Variants in MAPK8 observed in about 807,000 individuals in gnomAD.
MAPK8 encodes the protein JUN N-terminal kinase.
MAPK8 carries 13 observed loss-of-function variants against 52.9 expected under a neutral mutation model. The observed-to-expected ratio is 0.25, with a 90% CI of 0.16 to 0.39. The LOEUF (loss-of-function observed/expected upper bound fraction) is 0.39, where lower values mean the gene tolerates loss of function less well. MAPK8 is among the 10% of genes least tolerant of loss of function. The pLI is 1.00. For synonymous variants in MAPK8, 191 were observed against 169.8 expected, an observed-to-expected ratio of 1.12 and a Z score of -0.97; for missense variants, 300 against 519.2, an observed-to-expected ratio of 0.58 and a Z score of 4.10.
intron 11 of MAPK8, 21 bp downstream of exon 11, chr10:48,431,291 G>A (rs1358656579): frequency 6.5e-7 from 1 of 1,546,660 alleles, no homozygotes. Flanking sequence ...ATATAAGCTT[G>A]GTTAAGATTA....
intron 5 of MAPK8, among the ~76,000 whole-genome samples, chr10:48,417,942 G>T (rs963377942): frequency 6.6e-6 from 1 of 152,152 alleles, no homozygotes; most frequent in Admixed American, 6.5e-5. Flanking sequence ...CTAGAGCAGG[G>T]TTCAACAAAC....
At position 48,439,148 on chromosome 10, in the gene MAPK8, C is replaced by T. The variant is rs145193085; in HGVS notation, c.*4119C>T. ...GCGATGTCATTCCTCCTCCATTCCT[C>T]TCCTTCCCTGTGTTCCGTTCCCTCT... On this transcript the variant is annotated 3_prime_UTR_variant, in exon 12 of 12. Coordinates refer to ENST00000374189, the MANE Select transcript of MAPK8 (RefSeq NM_001323329.2). The T allele has an allele frequency of 6.6e-6, 1 of 151,852 alleles. No homozygotes were observed. The highest frequency in any genetic ancestry group is 1.5e-5 in the Non-Finnish European group (1 of 68,004). The allele number at this position is 151,852 out of a possible 1,614,324, so 9.4% of individuals were successfully genotyped here.
At chr10:48,350,343 G>C (rs1437324350) in intron 1 of MAPK8, among the ~76,000 whole-genome samples, 6 of 152,186 alleles carry the variant, frequency 3.9e-5, no homozygotes, top group Non-Finnish European at 7.3e-5. Context: ...CAATATCCCT[G>C]ATGAACATTG....
chr10:48,427,739 G>A (rs931100396), intron 10 of MAPK8, among the ~76,000 whole-genome samples: 15 of 152,114 alleles, frequency 9.9e-5, no homozygotes, highest in Admixed American at 3.9e-4. Context: ...TGATCCACCC[G>A]CCTCGGCCTC....
intron 1 of MAPK8, among the ~76,000 whole-genome samples, chr10:48,323,900 G>T (rs572903562): frequency 1.3e-4 from 20 of 152,262 alleles, no homozygotes; most frequent in African/African-American, 4.8e-4. Flanking sequence ...CCTGGTTTAA[G>T]TTCAGTGTGT....
chr10:48,377,526 G>A (rs12261653), intron 1 of MAPK8, among the ~76,000 whole-genome samples: 7,059 of 152,108 alleles, frequency 0.046, 540 homozygotes, highest in African/African-American at 0.16. Flanking sequence ...GCTAATTTGC[G>A]CAGAAGGAAT....
At chr10:48,329,997 A>G (rs1843960983) in intron 1 of MAPK8, among the ~76,000 whole-genome samples, 1 of 152,214 alleles carries the variant, frequency 6.6e-6, no homozygotes, top group African/African-American at 2.4e-5. Context: ...AAAGATTAAA[A>G]GTACCTATAG....
chr10:48,327,607 A>G lies in MAPK8; in HGVS notation c.-50+20786A>G, dbSNP rs1267334429. Among the ~76,000 whole-genome samples the G allele has an allele frequency of 2.6e-5, 4 of 152,216 alleles. No homozygotes were observed. In the East Asian group the frequency reaches 7.7e-4, roughly 29 times the overall value. On this transcript the variant is annotated intron_variant, in intron 1 of 11. Coordinates refer to ENST00000374189, the MANE Select transcript of MAPK8 (RefSeq NM_001323329.2). ...TAAGGCTGCTCTTTTAGAATAAGTC[A>G]GGAAATGTTCCTTCTGTTTTTATTT...
chr10:48,417,230 C>G (rs2043114169), intron 5 of MAPK8, among the ~76,000 whole-genome samples: 1 of 152,178 alleles, frequency 6.6e-6, no homozygotes, highest in African/African-American at 2.4e-5. Context: ...CTAACTCTTT[C>G]AGAAATTTAA....
At chr10:48,425,037 CTG>C in intron 7 of MAPK8, 2 of 601,676 alleles carry the variant, frequency 3.3e-6, no homozygotes, top group South Asian at 2.2e-5. Context: ...ACCCTTTCAT[CTG>C]AGAATTTCAG....
Position 48,431,278 on chromosome 10 carries a change from A to G in MAPK8, c.1138+8A>G. ...GGCAGCCCTCTCCTTTAGGTTGGTT[A>G]CAATATAAGCTTGGTTAAGATTACA... On this transcript the variant is annotated splice_region_variant and intron_variant, in intron 11 of 11. Transcript: ENST00000374189. 1.3e-6 allele frequency: 2 copies of G among 1,598,968 alleles called. No individual in the cohort carries two copies. The highest frequency in any genetic ancestry group is 1.7e-6 in the Non-Finnish European group (2 of 1,167,298).
chr10:48,374,382 ATAAC>A (rs778965942), intron 1 of MAPK8, among the ~76,000 whole-genome samples: 17 of 152,200 alleles, frequency 1.1e-4, no homozygotes, highest in Non-Finnish European at 2.1e-4. Context: ...AAGACAAAAA[ATAAC>A]TAAGATCAGA....
chr10:48,388,386 A>G (rs2041435409), intron 1 of MAPK8, among the ~76,000 whole-genome samples: 1 of 152,108 alleles, frequency 6.6e-6, no homozygotes, highest in Non-Finnish European at 1.5e-5. Flanking sequence ...CACTTTTAAG[A>G]TGTTACTCAT....
rs555204474 is a variant in MAPK8, at chr10:48,313,768, T to G, written c.-50+6947T>G. On this transcript the variant is annotated intron_variant, in intron 1 of 11. Coordinates refer to ENST00000374189, the MANE Select transcript of MAPK8 (RefSeq NM_001323329.2). Reference sequence around the variant, plus strand: ...TTTTGTTTTTTGCTTGTTGGTTTGTTTTTTGAGACGGAGTCTCACTCTTGT... The same window carrying G: ...TTTTGTTTTTTGCTTGTTGGTTTGTGTTTTGAGACGGAGTCTCACTCTTGT... 4.6e-5 allele frequency among the ~76,000 whole-genome samples: 7 copies of G among 152,284 alleles called. No homozygotes were observed. In the South Asian group the frequency reaches 1.0e-3, roughly 23 times the overall value.
intron 5 of MAPK8, among the ~76,000 whole-genome samples, chr10:48,413,810 AATTGTTATATATATATATAT>A (rs2133112780): frequency 1.5e-5 from 1 of 66,430 alleles, no homozygotes; most frequent in African/African-American, 5.7e-5. Context: ...TATTTGCCAG[AATTGTTATATATATATATAT>A]ATATATATAT....
At chr10:48,424,873 A>G (rs1340646018) in intron 7 of MAPK8, among the ~76,000 whole-genome samples, 3 of 152,122 alleles carry the variant, frequency 2.0e-5, no homozygotes, top group African/African-American at 4.8e-5. Context: ...ATAATTATAC[A>G]CTTAAGTCTA....
At chr10:48,385,974 A>T (rs1281353851) in intron 1 of MAPK8, among the ~76,000 whole-genome samples, 1 of 152,198 alleles carries the variant, frequency 6.6e-6, no homozygotes, top group Non-Finnish European at 1.5e-5. Flanking sequence ...TTAAAAAAAA[A>T]TCTGATCATA....
At chr10:48,348,089 A>G (rs1453131122) in intron 1 of MAPK8, among the ~76,000 whole-genome samples, 3 of 152,212 alleles carry the variant, frequency 2.0e-5, no homozygotes, top group Non-Finnish European at 4.4e-5. Context: ...TCGCCATTCT[A>G]ACTGGCGTGA....
intron 2 of MAPK8, among the ~76,000 whole-genome samples, chr10:48,402,658 C>T (rs958225568): frequency 6.6e-6 from 1 of 152,128 alleles, no homozygotes; most frequent in Non-Finnish European, 1.5e-5. Flanking sequence ...ATTTTTATTA[C>T]CTCTTCTTGA....
Sources: gnomAD v4.1 joint callset for allele counts (sites outside exome capture counted in the v4.1 genomes callset) on GRCh38, gnomAD v4.1.1 for gene constraint, MANE v1.5 for transcripts, NCBI Gene and HGNC (gene_info 2026-07-23, HGNC 2026-07-21) for gene names.